STS: variants seen among roughly 807,000 people sequenced by gnomAD.
The protein encoded by STS is steroid sulfatase.
Under a neutral mutation model 26.8 loss-of-function variants are expected in STS, and 7 were observed. The ratio of observed to expected loss-of-function variants is 0.26; its 90% confidence interval spans 0.15 to 0.49. The LOEUF (loss-of-function observed/expected upper bound fraction) is 0.49, where lower values mean the gene tolerates loss of function less well. STS is among the 20% of genes least tolerant of loss of function. The probability of loss-of-function intolerance (pLI) is 0.98; values close to 1 mark genes in which losing one functional copy is unlikely to be tolerated. For missense variants in STS, 434 were observed against 465.6 expected (o/e 0.93, Z 0.63); for synonymous variants, 199 against 189.4 (o/e 1.05, Z -0.42).
chrX:7,197,873 T>C (rs1933999631), intron 2 of STS, among the ~76,000 whole-genome samples: 1 of 111,632 alleles, frequency 9.0e-6, no homozygotes, highest in African/African-American at 3.3e-5. Flanking sequence ...ATCCCTACGA[T>C]GCACAGCGTG....
At chrX:7,239,236 T>TC (rs1349788836) in intron 2 of STS, among the ~76,000 whole-genome samples, 2 of 112,070 alleles carry the variant, frequency 1.8e-5, no homozygotes, top group African/African-American at 6.5e-5. Context: ...ATGGGTTTTT[T>TC]CTGTCCTCAT....
At chrX:7,233,949 A>G (rs1922193005) in intron 2 of STS, among the ~76,000 whole-genome samples, 1 of 112,021 alleles carries the variant, frequency 8.9e-6, no homozygotes, top group Admixed American at 9.5e-5. Flanking sequence ...AGGCCCTCTG[A>G]TATTGACAGC....
At chrX:7,207,504 G>A (rs1187759281) in intron 2 of STS, among the ~76,000 whole-genome samples, 1 of 111,605 alleles carries the variant, frequency 9.0e-6, no homozygotes, top group African/African-American at 3.3e-5. Context: ...GAAGTTTAGA[G>A]TTTTCCATAT....
intron 8 of STS, among the ~76,000 whole-genome samples, chrX:7,317,495 G>T (rs767057984): frequency 6.3e-5 from 7 of 111,066 alleles, no homozygotes; most frequent in Non-Finnish European, 1.1e-4. Flanking sequence ...TTAAGGCAGC[G>T]TTTCACTTTG....
At chrX:7,306,728 C>T (rs745728479) in intron 8 of STS, among the ~76,000 whole-genome samples, 1 of 111,925 alleles carries the variant, frequency 8.9e-6, no homozygotes, top group African/African-American at 3.3e-5. Context: ...AAAGGAGACA[C>T]GGCTAGAAAG....
chrX:7,225,943 A>G (rs922784449), intron 2 of STS, among the ~76,000 whole-genome samples: 1 of 112,463 alleles, frequency 8.9e-6, no homozygotes, highest in Non-Finnish European at 1.9e-5. Context: ...ACTTCATTTT[A>G]TAGATAAGAA....
At chrX:7,158,708 A>T (rs1933183321) in intron 1 of STS, among the ~76,000 whole-genome samples, 1 of 111,455 alleles carries the variant, frequency 9.0e-6, no homozygotes, top group South Asian at 3.8e-4. Flanking sequence ...AGCTGGGGGT[A>T]GGGTGGGGAG....
At chrX:7,182,853 C>A (rs779219245) in intron 1 of STS, among the ~76,000 whole-genome samples, 1 of 110,489 alleles carries the variant, frequency 9.1e-6, no homozygotes, top group Non-Finnish European at 1.9e-5. Flanking sequence ...TGAATAGTCC[C>A]CCCAAAATCA....
At chrX:7,169,767 T>G (rs1933427113) in intron 1 of STS, among the ~76,000 whole-genome samples, 1 of 111,562 alleles carries the variant, frequency 9.0e-6, no homozygotes, top group East Asian at 2.8e-4. Flanking sequence ...AAAGCCTCCC[T>G]TTACTTATCA....
chrX:7,193,930 C>T (rs1258026799), intron 2 of STS, among the ~76,000 whole-genome samples: 1 of 111,200 alleles, frequency 9.0e-6, no homozygotes, highest in East Asian at 2.8e-4. Context: ...TTGAGACAGA[C>T]TCTCACTCTG....
chrX:7,238,243 G>C (rs1440812292), intron 2 of STS, among the ~76,000 whole-genome samples: 3 of 108,916 alleles, frequency 2.8e-5, no homozygotes, highest in Non-Finnish European at 5.7e-5. Flanking sequence ...TTTTTATCCA[G>C]TCATCGTTGA....
intron 10 of STS, among the ~76,000 whole-genome samples, chrX:7,341,893 A>G (rs766710082): frequency 9.1e-6 from 1 of 109,895 alleles, no homozygotes; most frequent in African/African-American, 3.3e-5. Context: ...GCTCACTGCA[A>G]ACTCCACCTC....
chrX:7,169,847 A>G (rs1601626562), intron 1 of STS, among the ~76,000 whole-genome samples: 1 of 101,395 alleles, frequency 9.9e-6, no homozygotes, highest in East Asian at 3.4e-4. Context: ...AGCTCTGATT[A>G]AGTCTAGAAA....
intron 7 of STS, among the ~76,000 whole-genome samples, chrX:7,291,115 A>G (rs1190818479): frequency 1.8e-5 from 2 of 111,660 alleles, no homozygotes; most frequent in East Asian, 2.8e-4. Flanking sequence ...AAATATTTCC[A>G]TAACTTTGTC....
intron 2 of STS, among the ~76,000 whole-genome samples, chrX:7,229,892 GC>G (rs1921982873): frequency 9.3e-6 from 1 of 107,919 alleles, no homozygotes; most frequent in South Asian, 4.3e-4. Flanking sequence ...TTGTCGGGGG[GC>G]GGGGGGACAG....
chrX:7,240,295 T>G (rs1922530361), intron 2 of STS, among the ~76,000 whole-genome samples: 1 of 108,583 alleles, frequency 9.2e-6, no homozygotes, highest in African/African-American at 3.4e-5. Context: ...AATGATATGC[T>G]GAGCTAACCA....
intron 1 of STS, among the ~76,000 whole-genome samples, chrX:7,163,273 A>G (rs1933286253): frequency 8.9e-6 from 1 of 112,036 alleles, no homozygotes; most frequent in African/African-American, 3.2e-5. Context: ...GTCTCCAGAT[A>G]TCACCAGATG....
Position 7,190,913 on chromosome X carries a change from A to G in STS, c.-100A>G, listed in dbSNP as rs1203993166. On this transcript the variant is annotated 5_prime_UTR_variant, in exon 2 of 11. Transcript: ENST00000674429. ...CGATGCCCTTGGTTTGACTCTACTA[A>G]GAGCCCCTCAGTTGCTGAACCTGCA... The G allele has an allele frequency of 1.5e-6, 1 of 679,890 alleles. No individual in the cohort carries two copies. Among genetic ancestry groups the G allele is most frequent in the East Asian group, 1.6e-4 (1 of 6,279 alleles). 56.0% of individuals were successfully genotyped at this position (679,890 alleles called of 1,213,427 possible). A position where few individuals can be genotyped will look rare whatever the true frequency, so the allele number is the denominator to read the frequency against.
chrX:7,253,229 T>C lies in STS; in HGVS notation c.30T>C (p.Phe10=). 4.1e-6 allele frequency: 5 copies of C among 1,211,277 alleles called. No individual in the cohort carries two copies. Among genetic ancestry groups the C allele is most frequent in the Non-Finnish European group, 5.6e-6 (5 of 895,262 alleles). Residue 10 remains phenylalanine (F), a synonymous_variant, in exon 3 of 11, where the codon TTT becomes TTC. Transcript: ENST00000674429. Reference sequence around the variant, plus strand: ...AGATCCCTTTCCTCCTACTGTTCTTTCTGTGGGAAGCCGAGAGCCACGCAG... The same window carrying C: ...AGATCCCTTTCCTCCTACTGTTCTTCCTGTGGGAAGCCGAGAGCCACGCAG... MKIPFLLLF[F]LWEAESHAAS...
Sources: gnomAD v4.1 joint callset for allele counts (sites outside exome capture counted in the v4.1 genomes callset) on GRCh38, gnomAD v4.1.1 for gene constraint, MANE v1.5 for transcripts, NCBI Gene and HGNC (gene_info 2026-07-23, HGNC 2026-07-21) for gene names.